Variants in FDFT1 observed in about 807,000 individuals in gnomAD.
FDFT1 encodes farnesyl-diphosphate farnesyltransferase 1, also known as squalene synthase.
FDFT1 carries 68 observed loss-of-function variants against 46.8 expected under a neutral mutation model. That is an observed-to-expected ratio of 1.45 (90% CI 1.19 to 1.78). The LOEUF is 1.78. Among genes scored for constraint, FDFT1 ranks in the 40% most tolerant of loss-of-function variants. The pLI, the probability that FDFT1 is intolerant of heterozygous loss-of-function variation, is 0.00. For missense variants in FDFT1, 928 were observed against 524.4 expected, an observed-to-expected ratio of 1.77 and a Z score of -7.52; for synonymous variants, 351 against 185.1, an observed-to-expected ratio of 1.90 and a Z score of -7.28.
At chr8:11,802,173 G>A (rs756317516), upstream of FDFT1, 33 of 446,212 alleles carry the variant, frequency 7.4e-5, no homozygotes, top group Non-Finnish European at 1.3e-4. Flanking sequence ...GATGGCGGTG[G>A]CGGGCAGGCG....
rs375218605 is a variant in FDFT1, at chr8:11,796,217, T to C, written c.-94+206T>C. Among the ~76,000 whole-genome samples, 112 of 152,360 alleles carry C rather than the reference T, an allele frequency of 7.4e-4. 1 individual carries two copies. The South Asian group carries it at 0.021, about 29-fold the overall frequency. Reference sequence around the variant, plus strand: ...GTAATGGGAGTATGTAAAGTGTTTCTGTTAATGGAAAAAGTGCTGTGTGAG... The same window carrying C: ...GTAATGGGAGTATGTAAAGTGTTTCCGTTAATGGAAAAAGTGCTGTGTGAG... On this transcript the variant is annotated intron_variant, in intron 1 of 7. Transcript: ENST00000538689.
chr8:11,818,218 C>G (rs1245377364), intron 3 of FDFT1, among the ~76,000 whole-genome samples: 8 of 152,192 alleles, frequency 5.3e-5, no homozygotes, highest in Non-Finnish European at 1.0e-4. Context: ...TCACTGTGGT[C>G]TGAGAGAAAG....
chr8:11,809,441 C>T (rs2130724485), intron 2 of FDFT1: 3 of 1,270,350 alleles, frequency 2.4e-6, no homozygotes, highest in East Asian at 3.3e-5. Context: ...GTAGTGGTGA[C>T]ATTCAACTAG....
intron 4 of FDFT1, among the ~76,000 whole-genome samples, chr8:11,825,696 A>T: frequency 6.6e-6 from 1 of 150,474 alleles, no homozygotes; most frequent in Non-Finnish European, 1.5e-5. Flanking sequence ...CAAAAAAAAA[A>T]TAAAAAATAA....
At chr8:11,816,231 C>G (rs1035225225) in intron 3 of FDFT1, among the ~76,000 whole-genome samples, 3 of 152,158 alleles carry the variant, frequency 2.0e-5, no homozygotes, top group African/African-American at 4.8e-5. Flanking sequence ...GTGTACATAT[C>G]TGTTTTGGTA....
chr8:11,831,259 A>C (rs866715276), intron 6 of FDFT1, among the ~76,000 whole-genome samples: 1 of 152,244 alleles, frequency 6.6e-6, no homozygotes, highest in African/African-American at 2.4e-5. Context: ...GCTTTTTCCA[A>C]ATAAAATGGA....
chr8:11,804,958 G>C (rs532988053), intron 1 of FDFT1, among the ~76,000 whole-genome samples: 1 of 137,442 alleles, frequency 7.3e-6, no homozygotes, highest in East Asian at 2.3e-4. Flanking sequence ...GTCCAGGCTA[G>C]AATGCTGTGG....
chr8:11,820,641 G>A (rs116109698), intron 3 of FDFT1, among the ~76,000 whole-genome samples: 19 of 152,324 alleles, frequency 1.2e-4, no homozygotes, highest in African/African-American at 4.6e-4. Flanking sequence ...TTGGCTAGCA[G>A]CAAGCAAGGT....
chr8:11,809,958 G>C, intron 3 of FDFT1, 108 bp downstream of exon 3: 1 of 836,702 alleles, frequency 1.2e-6, no homozygotes, highest in Non-Finnish European at 1.8e-6. Flanking sequence ...AGCATTCTGA[G>C]GGCAGCATAA....
At chr8:11,815,742 T>C (rs1021401448) in intron 3 of FDFT1, among the ~76,000 whole-genome samples, 4 of 152,248 alleles carry the variant, frequency 2.6e-5, no homozygotes, top group African/African-American at 7.2e-5. Context: ...AAATTTTTTT[T>C]AAGTTCTTTG....
intron 3 of FDFT1, among the ~76,000 whole-genome samples, chr8:11,815,177 G>T (rs1185886601): frequency 1.3e-5 from 2 of 152,158 alleles, no homozygotes; most frequent in African/African-American, 4.8e-5. Context: ...CTTCATCCAT[G>T]TCCCTGCAAA....
intron 3 of FDFT1, among the ~76,000 whole-genome samples, chr8:11,818,901 T>C (rs1808833254): frequency 6.6e-6 from 1 of 152,258 alleles, no homozygotes; most frequent in Non-Finnish European, 1.5e-5. Context: ...CATTATGATG[T>C]TTGCTGGTTA....
chr8:11,816,492 A>G (rs1464455884), intron 3 of FDFT1, among the ~76,000 whole-genome samples: 2 of 152,194 alleles, frequency 1.3e-5, no homozygotes, highest in African/African-American at 4.8e-5. Context: ...GATTCTTCCT[A>G]TCCATGAGCA....
At chr8:11,799,607 C>T (rs1169421641), upstream of FDFT1, among the ~76,000 whole-genome samples, 1 of 152,198 alleles carries the variant, frequency 6.6e-6, no homozygotes, top group African/African-American at 2.4e-5. Flanking sequence ...GCTATCTGAT[C>T]TCCTGTCCCG....
At chr8:11,815,158 G>C (rs922540504) in intron 3 of FDFT1, among the ~76,000 whole-genome samples, 6 of 152,150 alleles carry the variant, frequency 3.9e-5, no homozygotes, top group Admixed American at 2.0e-4. Flanking sequence ...TCAGAATGAT[G>C]ATTTCCAGCT....
upstream of FDFT1, chr8:11,797,810 G>A (rs1805720367): frequency 6.6e-6 from 1 of 152,258 alleles, no homozygotes; most frequent in Admixed American, 6.5e-5. Flanking sequence ...ATTCCAGGCA[G>A]GTGAATTGCT....
chr8:11,829,737 C>A (rs769575600), intron 5 of FDFT1, among the ~76,000 whole-genome samples: 2 of 152,186 alleles, frequency 1.3e-5, no homozygotes, highest in Non-Finnish European at 2.9e-5. Flanking sequence ...TGGACACTTA[C>A]TGGTAGTCAG....
At chr8:11,818,764 G>T (rs765183670) in intron 3 of FDFT1, among the ~76,000 whole-genome samples, 1 of 152,060 alleles carries the variant, frequency 6.6e-6, no homozygotes, top group African/African-American at 2.4e-5. Context: ...CGTGAGACGG[G>T]TCTCCTGAAT....
At chr8:11,804,746 A>G (rs12545407) in intron 1 of FDFT1, among the ~76,000 whole-genome samples, 1,894 of 151,292 alleles carry the variant, frequency 0.013, 54 homozygotes, top group Admixed American at 0.058. Context: ...AGCTGGGATT[A>G]CAGGCACCTG....
Sources: gnomAD v4.1 joint callset for allele counts (sites outside exome capture counted in the v4.1 genomes callset) on GRCh38, gnomAD v4.1.1 for gene constraint, MANE v1.5 for transcripts, NCBI Gene and HGNC (gene_info 2026-07-23, HGNC 2026-07-21) for gene names.